SLC39A11: variants seen among roughly 807,000 people sequenced by gnomAD.
The protein encoded by SLC39A11 is zinc transporter ZIP11.
A neutral mutation model predicts 36.1 loss-of-function variants in SLC39A11; 33 were observed. That is an observed-to-expected ratio of 0.91 (90% CI 0.69 to 1.22). The LOEUF (loss-of-function observed/expected upper bound fraction) is 1.22. Ranked by LOEUF, SLC39A11 falls within the 50% of genes most tolerant of loss-of-function variation. SLC39A11 has a pLI of 0.00. For synonymous variants in SLC39A11, 166 were observed against 170.3 expected (o/e 0.97, Z 0.20); for missense variants, 432 against 430.3 (o/e 1.00, Z -0.03).
chr17:72,729,684 C>T (rs1399570197), intron 7 of SLC39A11, among the ~76,000 whole-genome samples: 1 of 150,838 alleles, frequency 6.6e-6, no homozygotes, highest in Non-Finnish European at 1.5e-5. Context: ...CTGAAAAAAC[C>T]TTGGCACCTA....
intron 5 of SLC39A11, among the ~76,000 whole-genome samples, chr17:72,934,313 G>A (rs1167607437): frequency 6.6e-6 from 1 of 152,110 alleles, no homozygotes; most frequent in Non-Finnish European, 1.5e-5. Context: ...CCAGGGACTG[G>A]GAGAAAAAGA....
At chr17:72,906,510 G>A (rs1023235241) in intron 5 of SLC39A11, among the ~76,000 whole-genome samples, 2 of 152,204 alleles carry the variant, frequency 1.3e-5, no homozygotes, top group African/African-American at 4.8e-5. Flanking sequence ...TGGGGAGGTG[G>A]ATGCAGGCAA....
intron 6 of SLC39A11, among the ~76,000 whole-genome samples, chr17:72,784,338 C>G (rs1194059053): frequency 6.6e-6 from 1 of 152,100 alleles, no homozygotes; most frequent in Non-Finnish European, 1.5e-5. Flanking sequence ...GAGAGAGACT[C>G]TGTCTCTAAA....
At chr17:72,678,050 C>T (rs1366725980) in intron 7 of SLC39A11, among the ~76,000 whole-genome samples, 3 of 152,160 alleles carry the variant, frequency 2.0e-5, no homozygotes, top group Non-Finnish European at 2.9e-5. Flanking sequence ...AACTAATATC[C>T]CACAAACAGA....
intron 5 of SLC39A11, among the ~76,000 whole-genome samples, chr17:72,890,287 A>AAC (rs1567892501): frequency 2.1e-5 from 3 of 142,700 alleles, no homozygotes; most frequent in African/African-American, 8.0e-5. Context: ...ACAACAACAA[A>AAC]AAAAAAAAAA....
At chr17:72,910,910 G>C in intron 5 of SLC39A11, among the ~76,000 whole-genome samples, 1 of 135,730 alleles carries the variant, frequency 7.4e-6, no homozygotes, top group Non-Finnish European at 1.5e-5. Context: ...CTGGGCAACA[G>C]AGCAAGACTC....
At chr17:72,980,737 A>G (rs2088237833) in intron 4 of SLC39A11, among the ~76,000 whole-genome samples, 1 of 152,194 alleles carries the variant, frequency 6.6e-6, no homozygotes, top group Non-Finnish European at 1.5e-5. Flanking sequence ...TAAAAATAGA[A>G]TGTGAGGCTG....
At chr17:72,883,048 C>T (rs1598266655) in intron 5 of SLC39A11, among the ~76,000 whole-genome samples, 1 of 152,044 alleles carries the variant, frequency 6.6e-6, no homozygotes, top group African/African-American at 2.4e-5. Flanking sequence ...CCGCCCACCT[C>T]GGCCTCCCAA....
chr17:72,647,721 G>A, intron 9 of SLC39A11, 59 bp from the exon 10 acceptor site: 1 of 1,371,088 alleles, frequency 7.3e-7, no homozygotes, highest in South Asian at 1.2e-5. Context: ...GCCACGGCTA[G>A]GCTGAAGGCA....
At chr17:72,891,576 C>T (rs552409362) in intron 5 of SLC39A11, among the ~76,000 whole-genome samples, 1 of 152,212 alleles carries the variant, frequency 6.6e-6, no homozygotes, top group East Asian at 1.9e-4. Flanking sequence ...GATTCAGGTC[C>T]CTGCTCAATG....
intron 6 of SLC39A11, among the ~76,000 whole-genome samples, chr17:72,790,537 C>CTCT (rs558633548): frequency 0.044 from 6,467 of 145,380 alleles, 179 homozygotes; most frequent in African/African-American, 0.072. Flanking sequence ...CTCTCTCTCT[C>CTCT]TTTTTTTTTT....
intron 5 of SLC39A11, among the ~76,000 whole-genome samples, chr17:72,933,037 G>C (rs2084519186): frequency 6.6e-6 from 1 of 152,190 alleles, no homozygotes; most frequent in African/African-American, 2.4e-5. Context: ...AATAAGGCAA[G>C]ACTGTCTGCT....
intron 5 of SLC39A11, among the ~76,000 whole-genome samples, chr17:72,885,266 G>A (rs983378087): frequency 5.3e-5 from 8 of 152,146 alleles, no homozygotes; most frequent in Non-Finnish European, 1.0e-4. Context: ...GAACGTCAAC[G>A]CTTTCTGCAT....
At chr17:72,868,841 A>G (rs1006266273) in intron 5 of SLC39A11, among the ~76,000 whole-genome samples, 5 of 152,022 alleles carry the variant, frequency 3.3e-5, no homozygotes, top group African/African-American at 1.2e-4. Flanking sequence ...TAAGTATTAT[A>G]TGAATGGTAA....
chr17:72,853,539 G>A lies in SLC39A11; in HGVS notation c.431-3735C>T, dbSNP rs191626862. 5.7e-4 allele frequency among the ~76,000 whole-genome samples: 86 copies of A among 152,020 alleles called. 1 individual carries two copies. The Middle Eastern group carries it at 0.014, about 24-fold the overall frequency. ...CACCACGAGCAAATTCTAGCGTTCTGCTTGTGTTTTATAGGAACATCAAGG... is the reference window on the plus strand; with the variant it reads ...CACCACGAGCAAATTCTAGCGTTCTACTTGTGTTTTATAGGAACATCAAGG... On this transcript the variant is annotated intron_variant, in intron 5 of 9. Coordinates refer to ENST00000255559, the MANE Select transcript of SLC39A11 (RefSeq NM_139177.4).
intron 4 of SLC39A11, among the ~76,000 whole-genome samples, chr17:73,004,202 A>AGAAAGGAAAGAAAGAAAG (rs2090022323): frequency 8.0e-6 from 1 of 124,944 alleles, no homozygotes; most frequent in African/African-American, 2.9e-5. Context: ...AAAGAAAGAA[A>AGAAAGGAAAGAAAGAAAG]GAAAGAAAGA....
chr17:72,998,413 A>G (rs1289191495), intron 4 of SLC39A11, among the ~76,000 whole-genome samples: 1 of 152,194 alleles, frequency 6.6e-6, no homozygotes, highest in African/African-American at 2.4e-5. Context: ...GACTCTCCCA[A>G]GTAGACTGAG....
chr17:72,679,954 A>C (rs1431497840), intron 7 of SLC39A11, among the ~76,000 whole-genome samples: 2 of 151,036 alleles, frequency 1.3e-5, no homozygotes, highest in East Asian at 2.0e-4. Flanking sequence ...AGGCAGGAAA[A>C]TCACATGAAC....
At chr17:72,773,563 A>G (rs57177566) in intron 6 of SLC39A11, among the ~76,000 whole-genome samples, 10,360 of 151,594 alleles carry the variant, frequency 0.068, 879 homozygotes, top group African/African-American at 0.19. Flanking sequence ...CCATTAAACC[A>G]CTTTTTCTTT....
Sources: allele counts gnomAD v4.1 joint callset (sites outside exome capture counted in the v4.1 genomes callset), GRCh38; gene constraint gnomAD v4.1.1; transcripts MANE v1.5; gene names NCBI Gene and HGNC (gene_info 2026-07-23, HGNC 2026-07-21).